The following PPWD1 variants were observed in gnomAD, a reference collection of about 807,000 sequenced individuals.
The protein encoded by PPWD1 is peptidylprolyl isomerase domain and WD repeat containing 1.
Under a neutral mutation model 68.8 loss-of-function variants are expected in PPWD1, and 43 were observed. The ratio of observed to expected loss-of-function variants is 0.62; its 90% CI spans 0.49 to 0.81. The LOEUF (loss-of-function observed/expected upper bound fraction) is 0.81, where lower values mean the gene tolerates loss of function less well. Among genes scored for constraint, PPWD1 ranks in the 30% least tolerant of loss-of-function variants. PPWD1 has a pLI of 0.00. For missense variants in PPWD1, 672 were observed against 804.8 expected (o/e 0.83, Z 2.00); for synonymous variants, 232 against 258.7 (o/e 0.90, Z 0.99).
chr5:65,570,363 C>T (rs931085939), intron 4 of PPWD1: 5 of 866,918 alleles, frequency 5.8e-6, no homozygotes, highest in Non-Finnish European at 6.9e-6. Flanking sequence ...GATTTATTCA[C>T]ATTTTTGGAA....
intron 5 of PPWD1, among the ~76,000 whole-genome samples, chr5:65,573,528 T>TTTG (rs1753127537): frequency 2.3e-5 from 1 of 43,746 alleles, no homozygotes; most frequent in Non-Finnish European, 4.3e-5. Context: ...TTTTTTTTTT[T>TTTG]TTTTTTTTTT....
chr5:65,564,088 T>G, intron 1 of PPWD1: 1 of 522,750 alleles, frequency 1.9e-6, no homozygotes, highest in Non-Finnish European at 3.4e-6. Flanking sequence ...CTTGATACGA[T>G]GGGCTGAGTC....
intron 6 of PPWD1, among the ~76,000 whole-genome samples, chr5:65,578,786 A>ATATATATACATATATATGTG (rs1554122879): frequency 9.4e-5 from 13 of 138,038 alleles, no homozygotes; most frequent in African/African-American, 3.4e-4. Context: ...ATATATGTGT[A>ATATATATACATATATATGTG]TATATATATA....
Position 65,585,036 on chromosome 5 carries a change from TTC to T in PPWD1, c.1557_1558del (p.Phe519LeufsTer10), listed in dbSNP as rs1561733768. Reference sequence around the variant, plus strand: ...TAGGTGCCCTAAGACAGTGGAAAACTTCTGTGTTCACAGCAGAAATGGTTATT... The same window carrying T: ...TAGGTGCCCTAAGACAGTGGAAAACTTGTGTTCACAGCAGAAATGGTTATT... ...PVECPKTVEN[F>X]CVHSRNGYYN... On this transcript the variant is annotated frameshift_variant, in exon 9 of 11. Transcript: ENST00000261308. LOFTEE classifies it high-confidence loss of function. 7 of 1,612,660 alleles carry T rather than the reference TTC, an allele frequency of 4.3e-6. No homozygotes were observed. Among genetic ancestry groups the T allele is most frequent in the South Asian group, 1.1e-5 (1 of 91,020 alleles).
chr5:65,580,843 T>A (rs1367441753), intron 7 of PPWD1, among the ~76,000 whole-genome samples: 1 of 152,136 alleles, frequency 6.6e-6, no homozygotes, highest in Admixed American at 6.5e-5. Context: ...CAAGTCTGAG[T>A]TAGATGTGCC....
intron 1 of PPWD1, 66 bp from the exon 2 acceptor site, chr5:65,567,447 A>C (rs924716405): frequency 7.6e-6 from 11 of 1,455,308 alleles, no homozygotes; most frequent in Non-Finnish European, 9.2e-6. Flanking sequence ...TAAATAAAGA[A>C]AATACAAAAT....
chr5:65,575,458 T>TA, intron 5 of PPWD1, among the ~76,000 whole-genome samples: 1 of 152,354 alleles, frequency 6.6e-6, no homozygotes, highest in South Asian at 2.1e-4. Flanking sequence ...CTAACACACA[T>TA]ACCTCATTTT....
chr5:65,568,840 TA>T (rs1486756951), intron 2 of PPWD1: 1 of 431,354 alleles, frequency 2.3e-6, no homozygotes, highest in Non-Finnish European at 4.6e-6. Context: ...ATCAGTGTGG[TA>T]AAACAGTATA....
chr5:65,566,693 CT>C (rs1378792368), intron 1 of PPWD1, among the ~76,000 whole-genome samples: 1 of 150,728 alleles, frequency 6.6e-6, no homozygotes, highest in Non-Finnish European at 1.5e-5. Context: ...TAATTCTCCC[CT>C]CCCCTCGTTC....
At chr5:65,564,099 T>A (rs467436) in intron 1 of PPWD1, among the ~76,000 whole-genome samples, 94,780 of 151,542 alleles carry the variant, frequency 0.63, 29,878 homozygotes, top group South Asian at 0.65. Context: ...GGGCTGAGTC[T>A]TTTTGTCACT....
chr5:65,570,054 G>C, intron 4 of PPWD1, 56 bp downstream of exon 4: 2 of 1,463,584 alleles, frequency 1.4e-6, no homozygotes, highest in Non-Finnish European at 1.9e-6. Flanking sequence ...TTGTAAATCA[G>C]ACTTTACCAT....
rs973484481 is a variant in PPWD1 at position 65,567,203 on chromosome 5, C to CT, written c.197-301dup. 4.2e-4 allele frequency among the ~76,000 whole-genome samples: 62 copies of CT among 148,370 alleles called. 1 individual carries two copies. The highest frequency in any genetic ancestry group is 3.1e-3 in the East Asian group (16 of 5,090). ...TTCCTTTTTCTTTCTTTTTTCTTTT[C>CT]TTTTTTTTTAATAGAACATTCACAT... On this transcript the variant is annotated intron_variant, in intron 1 of 10. Coordinates refer to ENST00000261308, the MANE Select transcript of PPWD1 (RefSeq NM_015342.4).
At position 65,586,107 on chromosome 5, in the gene PPWD1, C is replaced by T. The variant is rs1042037213; in HGVS notation, c.1723C>T (p.Pro575Ser). ...TCATTCAACATTACGACATGACAGG[C>T]CATACACACTCAGCATGGCTAACGC... Reference protein sequence around the residue: ...EFHSTLRHDRPYTLSMANAGS... With the variant: ...EFHSTLRHDRSYTLSMANAGS... Residue 575 changes from proline to serine, a missense_variant, in exon 10 of 11, where the codon CCA (proline) becomes TCA (serine). Coordinates refer to ENST00000261308, the MANE Select transcript of PPWD1 (RefSeq NM_015342.4). 1 of 1,613,388 alleles carries T rather than the reference C, an allele frequency of 6.2e-7. No homozygotes were observed. Among genetic ancestry groups the T allele is most frequent in the Non-Finnish European group, 8.5e-7 (1 of 1,179,454 alleles).
intron 7 of PPWD1, among the ~76,000 whole-genome samples, chr5:65,581,084 ATTAAGG>A (rs1673808217): frequency 6.6e-6 from 1 of 152,182 alleles, no homozygotes; most frequent in Non-Finnish European, 1.5e-5. Context: ...ATGTAATGCT[ATTAAGG>A]TTAACAGCAT....
intron 5 of PPWD1, among the ~76,000 whole-genome samples, 193 bp downstream of exon 5, chr5:65,572,479 T>C (rs1184867992): frequency 1.3e-5 from 2 of 152,224 alleles, no homozygotes; most frequent in Non-Finnish European, 2.9e-5. Flanking sequence ...GGGTTTATGA[T>C]GTGCGTTTTT....
intron 5 of PPWD1, chr5:65,576,242 T>C: frequency 1.2e-6 from 1 of 815,626 alleles, no homozygotes; most frequent in Non-Finnish European, 1.5e-6. Flanking sequence ...GCTTGTGTTA[T>C]ATTTCATTGG....
At chr5:65,565,417 A>C (rs1474312335) in intron 1 of PPWD1, among the ~76,000 whole-genome samples, 1 of 152,242 alleles carries the variant, frequency 6.6e-6, no homozygotes, top group Non-Finnish European at 1.5e-5. Context: ...GTGTTACCGG[A>C]CAAGTGTCTT....
chr5:65,573,574 G>A lies in PPWD1; in HGVS notation c.969+1288G>A, dbSNP rs181630309. On this transcript the variant is annotated intron_variant, in intron 5 of 10. Transcript: ENST00000261308. Reference sequence around the variant, plus strand: ...TTTTTAAGTACAGACGGGTTTCACCGTGTTAGCCAGGCTGGTCTTGAACTC... The same window carrying A: ...TTTTTAAGTACAGACGGGTTTCACCATGTTAGCCAGGCTGGTCTTGAACTC... Among the ~76,000 whole-genome samples, 11 of 104,660 alleles carry A rather than the reference G, an allele frequency of 1.1e-4. No homozygotes were observed. The South Asian group carries it at 1.7e-3, about 16-fold the overall frequency. The allele number at this position is 104,660 out of a possible 152,430, so 68.7% of individuals were successfully genotyped here.
chr5:65,573,314 A>T lies in PPWD1; in HGVS notation c.969+1028A>T, dbSNP rs529811899. 3.0e-4 allele frequency among the ~76,000 whole-genome samples: 45 copies of T among 148,472 alleles called. 1 individual carries two copies. In the East Asian group the frequency reaches 5.3e-3, roughly 17 times the overall value. On this transcript the variant is annotated intron_variant, in intron 5 of 10. Transcript: ENST00000261308. ...TTTTTTATTATTTATTTATTTAATT[A>T]ATTTATTTTCTGAGACAGAGTTGCA...
Sources: allele counts gnomAD v4.1 joint callset (sites outside exome capture counted in the v4.1 genomes callset), GRCh38; gene constraint gnomAD v4.1.1; transcripts MANE v1.5; gene names NCBI Gene and HGNC (gene_info 2026-07-23, HGNC 2026-07-21).